SLCO1B3: variants seen among roughly 807,000 people sequenced by gnomAD.
The protein encoded by SLCO1B3 is liver-specific organic anion transporter 2.
In SLCO1B3, 72 loss-of-function variants were observed where a neutral mutation model predicts 71.8. That is an observed-to-expected ratio of 1.00 (90% CI 0.83 to 1.22). SLCO1B3 has a LOEUF of 1.22. Ranked by LOEUF, SLCO1B3 falls within the 50% of genes most tolerant of loss-of-function variation. The pLI is 0.00. For missense variants in SLCO1B3, 911 were observed against 819.7 expected, an observed-to-expected ratio of 1.11 and a Z score of -1.36; for synonymous variants, 298 against 278.4, an observed-to-expected ratio of 1.07 and a Z score of -0.70.
intron 15 of SLCO1B3, among the ~76,000 whole-genome samples, chr12:20,911,460 G>C (rs953404595): frequency 2.6e-5 from 4 of 152,140 alleles, no homozygotes; most frequent in African/African-American, 9.7e-5. Context: ...CCTCATAGGA[G>C]ACAGGAAGTA....
At chr12:20,884,675 C>G (rs902178383) in intron 13 of SLCO1B3, among the ~76,000 whole-genome samples, 10 of 151,652 alleles carry the variant, frequency 6.6e-5, no homozygotes, top group Non-Finnish European at 1.5e-4. Flanking sequence ...TAAAAATATA[C>G]ATGATAAGTA....
intron 8 of SLCO1B3, among the ~76,000 whole-genome samples, chr12:20,870,092 T>C (rs1483072387): frequency 6.6e-6 from 1 of 152,160 alleles, no homozygotes; most frequent in Non-Finnish European, 1.5e-5. Context: ...TAAGTGATGT[T>C]GGATATCTTT....
At chr12:20,823,454 C>A (rs1006504087) in intron 3 of SLCO1B3, among the ~76,000 whole-genome samples, 11 of 152,186 alleles carry the variant, frequency 7.2e-5, no homozygotes, top group Non-Finnish European at 1.6e-4. Flanking sequence ...TAGAATCAAA[C>A]AACAGGTACT....
chr12:20,869,281 T>C (rs1359783623), intron 8 of SLCO1B3, among the ~76,000 whole-genome samples: 1 of 152,216 alleles, frequency 6.6e-6, no homozygotes, highest in Non-Finnish European at 1.5e-5. Context: ...GCCCTTCTGG[T>C]GGCCCTGTGT....
intron 4 of SLCO1B3, among the ~76,000 whole-genome samples, chr12:20,856,680 C>T (rs1019209193): frequency 9.2e-5 from 14 of 152,294 alleles, no homozygotes; most frequent in African/African-American, 2.9e-4. Flanking sequence ...CTGTCTCAGC[C>T]TCCCGAGTAG....
chr12:20,860,959 GA>G, intron 5 of SLCO1B3, 57 bp from the exon 6 acceptor site: 1 of 1,478,726 alleles, frequency 6.8e-7, no homozygotes, highest in Non-Finnish European at 9.1e-7. Context: ...GTATTTCTGG[GA>G]AAACTGAAAA....
chr12:20,824,837 C>T (rs948992193), intron 3 of SLCO1B3, among the ~76,000 whole-genome samples: 1 of 152,070 alleles, frequency 6.6e-6, no homozygotes, highest in Non-Finnish European at 1.5e-5. Flanking sequence ...ACTAATTTTA[C>T]AATTTAATTT....
chr12:20,854,931 C>A, intron 3 of SLCO1B3, 97 bp from the exon 4 acceptor site: 3 of 1,129,806 alleles, frequency 2.7e-6, no homozygotes, highest in Non-Finnish European at 3.8e-6. Context: ...ATAATGTTTT[C>A]GAGTAAAGAA....
rs549503890 is a variant in SLCO1B3 at position 20,828,510 on chromosome 12, G to C, written c.84+12688G>C. On this transcript the variant is annotated intron_variant, in intron 3 of 15. Transcript: ENST00000381545. ...ACACAGTGGAGGGTGGCAAGAAGAA[G>C]GAAAGACATGTAGAAGTAAATGAAT... Among the ~76,000 whole-genome samples the C allele has an allele frequency of 4.2e-3, 640 of 152,052 alleles. 4 individuals carry two copies. Among genetic ancestry groups the C allele is most frequent in the African/African-American group, 0.015 (612 of 41,480 alleles).
rs1291608679 is a variant in SLCO1B3, at chr12:20,860,995, C to G, written c.360-22C>G. 5 of 1,540,392 alleles carry G rather than the reference C, an allele frequency of 3.2e-6. No homozygotes were observed. In the African/African-American group the frequency reaches 6.9e-5, roughly 21 times the overall value. On this transcript the variant is annotated intron_variant, in intron 5 of 15. Coordinates refer to ENST00000381545, the MANE Select transcript of SLCO1B3 (RefSeq NM_019844.4). ...ATATTCAGTAGATAAGCAAAATGTTCAATTTCATGTTGCTCTTACAGTTAT... is the reference window on the plus strand; with the variant it reads ...ATATTCAGTAGATAAGCAAAATGTTGAATTTCATGTTGCTCTTACAGTTAT...
chr12:20,810,796 ATTTCT>A lies in SLCO1B3; in HGVS notation c.-181+36_-181+40del, dbSNP rs201817011. The A allele has an allele frequency of 1.7e-4, 26 of 152,320 alleles. No individual in the cohort carries two copies. In the East Asian group the frequency reaches 3.5e-3, roughly 20 times the overall value. 9.4% of individuals were successfully genotyped at this position (152,320 alleles called of 1,614,324 possible). ...ACCGTCGAGGTTGTCTAATTAAAAC[ATTTCT>A]TTTATGTAAGAAATTTTAACAAATT... is the stretch of plus-strand genomic sequence containing the variant. On this transcript the variant is annotated intron_variant, in intron 1 of 15. Transcript: ENST00000381545.
At chr12:20,874,435 A>G (rs1484978723) in intron 8 of SLCO1B3, among the ~76,000 whole-genome samples, 1 of 152,190 alleles carries the variant, frequency 6.6e-6, no homozygotes, top group African/African-American at 2.4e-5. Flanking sequence ...ATTGATCTGA[A>G]TATTACTGTT....
chr12:20,833,498 A>T (rs1241975731), intron 3 of SLCO1B3, among the ~76,000 whole-genome samples: 1 of 149,020 alleles, frequency 6.7e-6, no homozygotes, highest in African/African-American at 2.4e-5. Context: ...AGATATATAC[A>T]TATGTTTACT....
chr12:20,913,500 A>G (rs968093741), intron 15 of SLCO1B3, among the ~76,000 whole-genome samples: 30 of 152,168 alleles, frequency 2.0e-4, no homozygotes, highest in Admixed American at 6.5e-5. Flanking sequence ...TCTGTTTTGT[A>G]AAAGGATAAT....
intron 3 of SLCO1B3, among the ~76,000 whole-genome samples, chr12:20,828,366 G>A (rs1864470843): frequency 6.6e-6 from 1 of 151,058 alleles, no homozygotes; most frequent in Non-Finnish European, 1.5e-5. Context: ...AAACTTGTCT[G>A]ATTGCACTCT....
At chr12:20,873,486 G>A (rs1350131527) in intron 8 of SLCO1B3, among the ~76,000 whole-genome samples, 5 of 152,280 alleles carry the variant, frequency 3.3e-5, no homozygotes, top group East Asian at 3.9e-4. Flanking sequence ...GGTCCTCTCA[G>A]TACTTCGAGA....
At chr12:20,904,527 G>A (rs1459888714) in intron 15 of SLCO1B3, among the ~76,000 whole-genome samples, 1 of 152,020 alleles carries the variant, frequency 6.6e-6, no homozygotes, top group East Asian at 1.9e-4. Context: ...TTCATGGGCT[G>A]GTACTGAGTG....
chr12:20,915,116 C>T (rs957386775), intron 15 of SLCO1B3, among the ~76,000 whole-genome samples: 13 of 151,956 alleles, frequency 8.6e-5, no homozygotes, highest in African/African-American at 3.1e-4. Flanking sequence ...TTCATTTTCC[C>T]CTTCAAGTAT....
At position 20,911,688 on chromosome 12, in the gene SLCO1B3, T is replaced by TC. The variant is rs550378406; in HGVS notation, c.1866-4314dup. On this transcript the variant is annotated intron_variant, in intron 15 of 15. Coordinates refer to ENST00000381545, the MANE Select transcript of SLCO1B3 (RefSeq NM_019844.4). ...TAGATTGTATCTTTCAAGGAATTGG[T>TC]CCATTTCTTTCAGGTTATTAAAATT... Among the ~76,000 whole-genome samples the TC allele has an allele frequency of 3.4e-3, 518 of 152,294 alleles. 5 individuals are homozygous for TC. The highest frequency in any genetic ancestry group is 0.011 in the African/African-American group (466 of 41,574).
Sources: gnomAD v4.1 joint callset for allele counts (sites outside exome capture counted in the v4.1 genomes callset) on GRCh38, gnomAD v4.1.1 for gene constraint, MANE v1.5 for transcripts, NCBI Gene and HGNC (gene_info 2026-07-23, HGNC 2026-07-21) for gene names.